Variants in IHO1 observed in about 807,000 individuals in gnomAD.
IHO1 encodes the protein interactor of HORMAD1 1, also known as interactor of HORMAD1 protein 1.
IHO1 carries 13 observed loss-of-function variants against 31.0 expected under a neutral mutation model. The ratio of observed to expected loss-of-function variants is 0.42; its 90% confidence interval spans 0.27 to 0.67. The LOEUF is 0.67. Ranked by LOEUF, IHO1 falls within the 30% of genes least tolerant of loss-of-function variation. The pLI, the probability that IHO1 is intolerant of heterozygous loss-of-function variation, is 0.24. For synonymous variants in IHO1, 221 were observed against 248.4 expected (o/e 0.89, Z 1.04); for missense variants, 599 against 687.5 (o/e 0.87, Z 1.44).
intron 2 of IHO1, among the ~76,000 whole-genome samples, chr3:49,218,887 T>C (rs1253742238): frequency 2.6e-5 from 4 of 152,050 alleles, no homozygotes; most frequent in African/African-American, 9.7e-5. Context: ...ATAAAAAAAT[T>C]AGCTGGGCGT....
At chr3:49,206,915 G>C (rs1168117042) in intron 1 of IHO1, among the ~76,000 whole-genome samples, 1 of 151,904 alleles carries the variant, frequency 6.6e-6, no homozygotes, top group Admixed American at 6.6e-5. Flanking sequence ...AGGTGTGGTG[G>C]CAGATGCCTG....
intron 6 of IHO1, among the ~76,000 whole-genome samples, chr3:49,250,327 G>A (rs959061842): frequency 6.6e-5 from 10 of 152,112 alleles, no homozygotes; most frequent in Non-Finnish European, 1.0e-4. Context: ...GAAAAAATAT[G>A]GATAGACTTT....
intron 1 of IHO1, among the ~76,000 whole-genome samples, chr3:49,207,727 A>C (rs1216452014): frequency 6.6e-6 from 1 of 152,110 alleles, no homozygotes; most frequent in African/African-American, 2.4e-5. Flanking sequence ...CTTTTCCTTA[A>C]ATAAAAATAG....
At chr3:49,249,364 G>A (rs12629637) in intron 6 of IHO1, among the ~76,000 whole-genome samples, 92,110 of 151,492 alleles carry the variant, frequency 0.61, 29,221 homozygotes, top group East Asian at 0.95. Flanking sequence ...TCTGCCTCCC[G>A]GGTTCAAGCG....
At chr3:49,226,025 G>C (rs1215924702) in intron 2 of IHO1, among the ~76,000 whole-genome samples, 1 of 152,140 alleles carries the variant, frequency 6.6e-6, no homozygotes, top group Non-Finnish European at 1.5e-5. Context: ...TGGCATAATG[G>C]ACATAAGTGA....
chr3:49,217,830 G>A (rs934435099), intron 2 of IHO1, among the ~76,000 whole-genome samples: 1 of 152,090 alleles, frequency 6.6e-6, no homozygotes, highest in African/African-American at 2.4e-5. Context: ...TTCACAATAG[G>A]GTTTGTGCTC....
intron 1 of IHO1, among the ~76,000 whole-genome samples, chr3:49,204,907 A>G (rs1291333044): frequency 6.6e-6 from 1 of 152,106 alleles, no homozygotes. Context: ...AGGTGCCTGT[A>G]GTCCCAGCTA....
intron 5 of IHO1, 68 bp from the exon 6 acceptor site, chr3:49,244,578 G>A: frequency 6.9e-7 from 1 of 1,440,398 alleles, no homozygotes; most frequent in South Asian, 1.2e-5. Flanking sequence ...ATCATGAAAT[G>A]ACAATTCTCT....
intron 5 of IHO1, 38 bp from the exon 6 acceptor site, chr3:49,244,608 A>G (rs201441113): frequency 2.7e-4 from 422 of 1,568,218 alleles, no homozygotes; most frequent in Non-Finnish European, 3.5e-4. Context: ...GAATAAGGCA[A>G]TAGCCTGTGA....
chr3:49,204,400 G>A (rs905067774), intron 1 of IHO1, among the ~76,000 whole-genome samples: 2 of 152,040 alleles, frequency 1.3e-5, no homozygotes, highest in South Asian at 2.1e-4. Flanking sequence ...TGTTGGGGTC[G>A]GGCTGTGTCC....
In IHO1 at chr3:49,256,868, A is replaced by G. The variant is rs774989473; in HGVS notation, c.1371A>G (p.Ile457Met). ...ACAGGGCCCACAGAGGCAGGCTCAT[A>G]GCCAGCAAGCAAAAACAAATCCCAA... The part of the protein sequence containing the change: ...KAHRAHRGRL[I>M]ASKQKQIPIQ... The change falls in exon 8 of 8, where the codon ATA becomes ATG. Residue 457 changes from isoleucine (I) to methionine (M), a missense_variant. Ile to Met is a conservative substitution (Grantham distance 10, BLOSUM62 1). Transcript: ENST00000452691. This position sits in a 1 kb window ranked among gnomAD's most constrained non-coding sequence, Gnocchi z 4.6. 1 of 1,614,232 alleles carries G rather than the reference A, an allele frequency of 6.2e-7. No homozygotes were observed. The highest frequency in any genetic ancestry group is 8.5e-7 in the Non-Finnish European group (1 of 1,180,044).
chr3:49,228,846 G>T (rs1278127261), intron 2 of IHO1, among the ~76,000 whole-genome samples: 2 of 152,240 alleles, frequency 1.3e-5, no homozygotes, highest in Non-Finnish European at 2.9e-5. Context: ...AGTGTGGAAG[G>T]AGACCTGAGC....
At chr3:49,202,309 G>A (rs1184884951) in intron 1 of IHO1, among the ~76,000 whole-genome samples, 1 of 150,792 alleles carries the variant, frequency 6.6e-6, no homozygotes, top group Non-Finnish European at 1.5e-5. Context: ...TTGTCAAGAG[G>A]TTACTTCTTT....
intron 3 of IHO1, among the ~76,000 whole-genome samples, chr3:49,237,153 G>C (rs1455655884): frequency 6.6e-6 from 1 of 151,968 alleles, no homozygotes; most frequent in Non-Finnish European, 1.5e-5. Flanking sequence ...TTCAAGACCA[G>C]CCTGGCCAAG....
At chr3:49,235,572 CT>C (rs1386240800) in intron 2 of IHO1, among the ~76,000 whole-genome samples, 1 of 152,086 alleles carries the variant, frequency 6.6e-6, no homozygotes, top group East Asian at 1.9e-4. Flanking sequence ...GCTGAATCAG[CT>C]AATGCATGTA....
At chr3:49,224,161 C>T (rs11717524) in intron 2 of IHO1, among the ~76,000 whole-genome samples, 94,761 of 152,078 alleles carry the variant, frequency 0.62, 30,471 homozygotes, top group East Asian at 0.95. Flanking sequence ...TTAACCACCC[C>T]GAGGGGAGAA....
chr3:49,219,701 A>G (rs997699554), intron 2 of IHO1, among the ~76,000 whole-genome samples: 13 of 152,162 alleles, frequency 8.5e-5, no homozygotes, highest in African/African-American at 3.1e-4. Flanking sequence ...CACCAGAGCA[A>G]TGGTTGGAAA....
chr3:49,219,908 G>T (rs1343843250), intron 2 of IHO1, among the ~76,000 whole-genome samples: 1 of 152,224 alleles, frequency 6.6e-6, no homozygotes, highest in African/African-American at 2.4e-5. Flanking sequence ...GAGCAGGTTT[G>T]CTTGCCAGCT....
In IHO1 at chr3:49,236,715, A is replaced by G. The variant is rs144948053; in HGVS notation, c.224A>G (p.Tyr75Cys). 5 of 1,610,324 alleles carry G rather than the reference A, an allele frequency of 3.1e-6. No homozygotes were observed. The highest frequency in any genetic ancestry group is 4.2e-6 in the Non-Finnish European group (5 of 1,178,726). Residue 75 changes from tyrosine to cysteine, a missense_variant, in exon 3 of 8, where the codon TAT becomes TGT. Tyr to Cys is a radical substitution (Grantham distance 194). Transcript: ENST00000452691. ...CATTCAAAACAGTCACAACAGAACT[A>G]TCTGGAGGTGAGTCTGGTTTCCAGA... ...LRHSKQSQQN[Y>C]LEGEPSIFTK...
Sources: gnomAD v4.1 joint callset for allele counts (sites outside exome capture counted in the v4.1 genomes callset) on GRCh38, gnomAD v4.1.1 for gene constraint, Gnocchi (gnomAD v3.1) non-coding constraint, MANE v1.5 for transcripts, NCBI Gene and HGNC (gene_info 2026-07-23, HGNC 2026-07-21) for gene names.